PSMB3: variants seen among roughly 807,000 people sequenced by gnomAD.
The protein encoded by PSMB3 is proteasome subunit beta type-3.
A neutral mutation model predicts 23.3 loss-of-function variants in PSMB3; 5 were observed. That is an observed-to-expected ratio of 0.21 (90% CI 0.11 to 0.45). The LOEUF (loss-of-function observed/expected upper bound fraction) is 0.45, where lower values mean the gene tolerates loss of function less well. Among genes scored for constraint, PSMB3 ranks in the 20% least tolerant of loss-of-function variants. The probability of loss-of-function intolerance (pLI) is 0.99; values close to 1 mark genes in which losing one functional copy is unlikely to be tolerated. For synonymous variants in PSMB3, 85 were observed against 99.8 expected (o/e 0.85, Z 0.88); for missense variants, 192 against 277.9 (o/e 0.69, Z 2.20).
intron 5 of PSMB3, among the ~76,000 whole-genome samples, chr17:38,763,277 C>G (rs1908521420): frequency 6.6e-6 from 1 of 151,938 alleles, no homozygotes. Context: ...TTGCTTGAAC[C>G]TGGGAGGCAG....
chr17:38,756,497 C>G (rs1398960878), intron 3 of PSMB3, among the ~76,000 whole-genome samples: 2 of 151,904 alleles, frequency 1.3e-5, no homozygotes, highest in Admixed American at 6.6e-5. Flanking sequence ...GTTGAGCTCT[C>G]TTTTTCTTTT....
intron 2 of PSMB3, among the ~76,000 whole-genome samples, chr17:38,753,953 G>A (rs937328736): frequency 2.6e-5 from 4 of 152,208 alleles, no homozygotes; most frequent in African/African-American, 9.7e-5. Context: ...AATAATGAGC[G>A]GCAGTTTGAG....
intron 4 of PSMB3, among the ~76,000 whole-genome samples, chr17:38,760,939 G>C (rs1289178354): frequency 1.3e-5 from 2 of 152,162 alleles, no homozygotes; most frequent in East Asian, 3.8e-4. Flanking sequence ...CAGGTTGTCT[G>C]GGTTGGCAAC....
chr17:38,760,815 C>A (rs1039654073), intron 4 of PSMB3, among the ~76,000 whole-genome samples: 7 of 152,206 alleles, frequency 4.6e-5, no homozygotes, highest in African/African-American at 1.4e-4. Context: ...TGTTAGGAGA[C>A]CACAGTTAGA....
chr17:38,758,627 C>G (rs74391403), intron 3 of PSMB3, among the ~76,000 whole-genome samples: 13,660 of 152,268 alleles, frequency 0.09, 2,103 homozygotes, highest in African/African-American at 0.31. Flanking sequence ...TTACAAACGT[C>G]AGCCATCATG....
At chr17:38,759,750 T>C in intron 3 of PSMB3, among the ~76,000 whole-genome samples, 1 of 152,058 alleles carries the variant, frequency 6.6e-6, no homozygotes, top group East Asian at 1.9e-4. Flanking sequence ...GGTTTCACCG[T>C]GTTAGCCAGG....
intron 4 of PSMB3, 103 bp downstream of exon 4, chr17:38,760,711 G>A: frequency 7.5e-7 from 1 of 1,335,528 alleles, no homozygotes; most frequent in Non-Finnish European, 1.0e-6. Flanking sequence ...AATGGTGCAG[G>A]TGGGAGAGAA....
Position 38,752,799 on chromosome 17 carries a change from G to T in PSMB3, c.-28G>T, listed in dbSNP as rs370097889. On this transcript the variant is annotated 5_prime_UTR_variant, in exon 1 of 6. Transcript: ENST00000619426. This position sits in a 1 kb window ranked among gnomAD's most constrained non-coding sequence, Gnocchi z 5.5. ...CCCGGTTTACTGGAATTGCTCTGGC[G>T]ATCGAGGGATCCTAGTACACCGCAA... The T allele has an allele frequency of 2.5e-6, 4 of 1,614,128 alleles. No homozygotes were observed. The highest frequency in any genetic ancestry group is 2.2e-5 in the South Asian group (2 of 91,086).
In PSMB3 at chr17:38,753,133, C is replaced by T. The variant is rs1229893956; in HGVS notation, c.4-17C>T. The T allele has an allele frequency of 1.4e-5, 23 of 1,603,610 alleles. No individual in the cohort carries two copies. Among genetic ancestry groups the T allele is most frequent in the Middle Eastern group, 1.7e-4 (1 of 5,880 alleles). Reference sequence around the variant, plus strand: ...GTTTGACCCCCCGCGCTGACCCCTCCGCTCTGTCTGTCCTAGTCTATTATG... The same window carrying T: ...GTTTGACCCCCCGCGCTGACCCCTCTGCTCTGTCTGTCCTAGTCTATTATG... On this transcript the variant is annotated splice_polypyrimidine_tract_variant and intron_variant, in intron 1 of 5. Transcript: ENST00000619426.
chr17:38,763,121 C>T (rs1348793834), intron 5 of PSMB3, among the ~76,000 whole-genome samples: 2 of 152,160 alleles, frequency 1.3e-5, no homozygotes, highest in Non-Finnish European at 2.9e-5. Flanking sequence ...CTTTGGGAGG[C>T]TGAGGTGGGC....
chr17:38,761,161 C>G (rs1012270037), intron 4 of PSMB3, among the ~76,000 whole-genome samples: 3 of 151,708 alleles, frequency 2.0e-5, no homozygotes, highest in African/African-American at 7.3e-5. Context: ...ACCAGCCTGA[C>G]CAACATGGAG....
intron 2 of PSMB3, among the ~76,000 whole-genome samples, chr17:38,754,170 A>C (rs887699161): frequency 6.6e-6 from 1 of 152,150 alleles, no homozygotes; most frequent in African/African-American, 2.4e-5. Context: ...GATGCCTGTC[A>C]GAAAATGTTC....
At chr17:38,753,439 G>A in intron 2 of PSMB3, 105 bp downstream of exon 2, 2 of 1,218,422 alleles carry the variant, frequency 1.6e-6, no homozygotes, top group Non-Finnish European at 2.3e-6. Context: ...CACCACCAGT[G>A]AGTTTGAGAC....
At chr17:38,755,656 AAAAATATATATATATAT>A (rs1352750012) in intron 2 of PSMB3, among the ~76,000 whole-genome samples, 2 of 77,198 alleles carry the variant, frequency 2.6e-5, no homozygotes, top group Non-Finnish European at 5.1e-5. Flanking sequence ...TAAAAAAAAA[AAAAATATATATATATAT>A]ATATATATAT....
chr17:38,755,939 T>G lies in PSMB3; in HGVS notation c.245T>G (p.Ile82Ser). 6.2e-7 allele frequency: 1 copy of G among 1,614,056 alleles called. No individual in the cohort carries two copies. Among genetic ancestry groups the G allele is most frequent in the Non-Finnish European group, 8.5e-7 (1 of 1,180,020 alleles). Reference protein sequence around the residue: ...NLYELKEGRQIKPYTLMSMVA... With the variant: ...NLYELKEGRQSKPYTLMSMVA... ...TATGAGTTGAAGGAAGGTCGGCAGATCAAACCTTATACCCTCATGAGCATG... is the reference window on the plus strand; with the variant it reads ...TATGAGTTGAAGGAAGGTCGGCAGAGCAAACCTTATACCCTCATGAGCATG... The change falls in exon 3 of 6, where the codon ATC (isoleucine) becomes AGC (serine). Residue 82 changes from isoleucine to serine, a missense_variant. Physicochemically the swap from Ile to Ser is moderately radical, Grantham distance 142 (BLOSUM62 -2). Transcript: ENST00000619426.
At chr17:38,753,039 C>A in intron 1 of PSMB3, 111 bp from the exon 2 acceptor site, 1 of 1,308,968 alleles carries the variant, frequency 7.6e-7, no homozygotes, top group Non-Finnish European at 1.0e-6. Context: ...GGGGTTCAGA[C>A]GCCTCCGGAA....
At chr17:38,763,436 C>T (rs891675547) in intron 5 of PSMB3, among the ~76,000 whole-genome samples, 1 of 150,546 alleles carries the variant, frequency 6.6e-6, no homozygotes, top group Non-Finnish European at 1.5e-5. Context: ...TGGGGTGAAA[C>T]ACACCACACC....
chr17:38,756,029 A>G (rs1441430068), intron 3 of PSMB3, 39 bp downstream of exon 3: 2 of 1,491,708 alleles, frequency 1.3e-6, no homozygotes, highest in Admixed American at 1.7e-5. Flanking sequence ...GAATGCAGAC[A>G]TCTTTGAATG....
intron 4 of PSMB3, among the ~76,000 whole-genome samples, chr17:38,761,502 A>G (rs763679220): frequency 1.3e-4 from 20 of 152,162 alleles, no homozygotes; most frequent in Admixed American, 6.5e-4. Flanking sequence ...CACTGGGGAA[A>G]GCAGGTACAG....
Sources: allele counts gnomAD v4.1 joint callset (sites outside exome capture counted in the v4.1 genomes callset), GRCh38; gene constraint gnomAD v4.1.1; non-coding constraint Gnocchi (gnomAD v3.1); transcripts MANE v1.5; gene names NCBI Gene and HGNC (gene_info 2026-07-23, HGNC 2026-07-21).